Variants in C1GALT1 observed in about 807,000 individuals in gnomAD.
C1GALT1 encodes the protein glycoprotein-N-acetylgalactosamine 3-beta-galactosyltransferase 1.
In C1GALT1, 11 loss-of-function variants were observed where a neutral mutation model predicts 31.0. The observed-to-expected ratio is 0.36, with a 90% CI of 0.22 to 0.59. C1GALT1 has a LOEUF of 0.59. C1GALT1 is among the 20% of genes least tolerant of loss of function. The probability of loss-of-function intolerance (pLI) is 0.79; values close to 1 mark genes in which losing one functional copy is unlikely to be tolerated. For synonymous variants in C1GALT1, 175 were observed against 143.6 expected, an observed-to-expected ratio of 1.22 and a Z score of -1.56; for missense variants, 424 against 425.2, an observed-to-expected ratio of 1.00 and a Z score of 0.03.
chr7:7,198,581 G>T (rs111597021), intron 1 of C1GALT1, among the ~76,000 whole-genome samples: 2 of 152,202 alleles, frequency 1.3e-5, no homozygotes, highest in African/African-American at 4.8e-5. Flanking sequence ...CTCTTTTTCT[G>T]TTGATTGGGA....
In C1GALT1 at chr7:7,241,170, T is replaced by C. The variant is rs183175730; in HGVS notation, c.888+2248T>C. Among the ~76,000 whole-genome samples, 36 of 152,180 alleles carry C rather than the reference T, an allele frequency of 2.4e-4. No individual in the cohort carries two copies. The East Asian group carries it at 6.7e-3, about 29-fold the overall frequency. ...AGAAATGGTCAAATATGATCTACTTTATTCAGTTTTATTTACATTATTCTA... is the reference window on the plus strand; with the variant it reads ...AGAAATGGTCAAATATGATCTACTTCATTCAGTTTTATTTACATTATTCTA... On this transcript the variant is annotated intron_variant, in intron 3 of 3. Coordinates refer to ENST00000436587, the MANE Select transcript of C1GALT1 (RefSeq NM_020156.5).
intron 1 of C1GALT1, among the ~76,000 whole-genome samples, chr7:7,198,837 A>T (rs903578980): frequency 6.6e-6 from 1 of 152,178 alleles, no homozygotes; most frequent in Admixed American, 6.5e-5. Flanking sequence ...TGTTTATAGT[A>T]TTCTCTGATG....
intron 1 of C1GALT1, among the ~76,000 whole-genome samples, chr7:7,207,344 T>TTGC (rs1469849885): frequency 9.7e-5 from 6 of 61,952 alleles, no homozygotes; most frequent in African/African-American, 4.8e-4. Flanking sequence ...GCTTTTTTTT[T>TTGC]TTTTTTTTTT....
rs140654863 is a variant in C1GALT1, at chr7:7,208,985, C to G, written c.-17-25318C>G. Among the ~76,000 whole-genome samples, 4 of 152,296 alleles carry G rather than the reference C, an allele frequency of 2.6e-5. No homozygotes were observed. The East Asian group carries it at 7.7e-4, about 29-fold the overall frequency. Reference sequence around the variant, plus strand: ...TAATAGTTGTATGAGATAGATTCTACCAGCGTAAGTGTTCTCTGGGTATAC... The same window carrying G: ...TAATAGTTGTATGAGATAGATTCTAGCAGCGTAAGTGTTCTCTGGGTATAC... On this transcript the variant is annotated intron_variant, in intron 1 of 3. Transcript: ENST00000436587.
chr7:7,158,539 GT>G (rs1301309077), intron 2 of C1GALT1, among the ~76,000 whole-genome samples: 2 of 150,460 alleles, frequency 1.3e-5, no homozygotes, highest in Admixed American at 6.6e-5. Flanking sequence ...CACTTAGTAT[GT>G]TTTTTCATTA....
chr7:7,191,576 A>G (rs1226861874), intron 1 of C1GALT1, among the ~76,000 whole-genome samples: 3 of 152,104 alleles, frequency 2.0e-5, no homozygotes, highest in Non-Finnish European at 4.4e-5. Flanking sequence ...AGCAGAAATA[A>G]CATTTTACTT....
intron 1 of C1GALT1, among the ~76,000 whole-genome samples, chr7:7,214,245 G>GA (rs531845741): frequency 1.3e-5 from 2 of 152,082 alleles, no homozygotes; most frequent in African/African-American, 2.4e-5. Context: ...ATTTCATGAG[G>GA]AAAAAAAGGT....
intron 1 of C1GALT1, among the ~76,000 whole-genome samples, chr7:7,221,868 A>G (rs945776406): frequency 6.6e-6 from 1 of 152,154 alleles, no homozygotes; most frequent in African/African-American, 2.4e-5. Context: ...TGTTTTGCCA[A>G]TGTACATGCC....
chr7:7,206,268 C>G (rs1294555239), intron 1 of C1GALT1, among the ~76,000 whole-genome samples: 1 of 151,614 alleles, frequency 6.6e-6, no homozygotes, highest in African/African-American at 2.4e-5. Context: ...TTTATAATTG[C>G]CTATGTATTT....
At chr7:7,201,743 T>A (rs1336425365) in intron 1 of C1GALT1, among the ~76,000 whole-genome samples, 1 of 152,216 alleles carries the variant, frequency 6.6e-6, no homozygotes, top group Non-Finnish European at 1.5e-5. Context: ...CCCCAGGCTA[T>A]ATGCCCTCCC....
rs183513214 is a variant in C1GALT1, at chr7:7,232,328, G to A, written c.-17-1975G>A. The stretch of plus-strand genomic sequence containing the variant: ...GTTTTGTTTTTATTATTGTAGTGGT[G>A]ATTGTTGGTTTGTACTTTTGCTTTC... On this transcript the variant is annotated intron_variant, in intron 1 of 3. Transcript: ENST00000436587. 1.2e-4 allele frequency among the ~76,000 whole-genome samples: 19 copies of A among 152,298 alleles called. 1 individual carries two copies. In the East Asian group the frequency reaches 3.7e-3, roughly 29 times the overall value.
rs562458131 is a variant in C1GALT1, at chr7:7,167,210, A to G, written c.-18+9784A>G. On this transcript the variant is annotated intron_variant, in intron 2 of 3. Transcript: ENST00000429911. ...TCAGATCCCTACTGGCTAAACAGCA[A>G]TGAAATTGCTTATGCAGTGTACAGA... Among the ~76,000 whole-genome samples, 6 of 152,310 alleles carry G rather than the reference A, an allele frequency of 3.9e-5. No individual in the cohort carries two copies. The South Asian group carries it at 8.3e-4, about 21-fold the overall frequency.
intron 2 of C1GALT1, among the ~76,000 whole-genome samples, chr7:7,163,253 A>G (rs544632369): frequency 6.6e-6 from 1 of 152,308 alleles, no homozygotes; most frequent in Non-Finnish European, 1.5e-5. Context: ...TTTTAGGTCT[A>G]ACGTTTAAGT....
intron 1 of C1GALT1, among the ~76,000 whole-genome samples, chr7:7,222,910 G>GTTTGTTT (rs35730541): frequency 6.0e-5 from 9 of 150,756 alleles, no homozygotes; most frequent in African/African-American, 2.2e-4. Flanking sequence ...GTTTTTTTTT[G>GTTTGTTT]GTTTTATGCT....
At chr7:7,185,686 T>C (rs1367244156) in intron 1 of C1GALT1, among the ~76,000 whole-genome samples, 1 of 152,208 alleles carries the variant, frequency 6.6e-6, no homozygotes, top group Non-Finnish European at 1.5e-5. Context: ...TGGATTAAGA[T>C]CCACCCTAAT....
rs556168283 is a variant in C1GALT1 at position 7,223,285 on chromosome 7, A to G, written c.-17-11018A>G. Among the ~76,000 whole-genome samples, 4 of 152,244 alleles carry G rather than the reference A, an allele frequency of 2.6e-5. 1 individual carries two copies. Among genetic ancestry groups the G allele is most frequent in the Admixed American group, 6.5e-5 (1 of 15,294 alleles). On this transcript the variant is annotated intron_variant, in intron 1 of 3. Transcript: ENST00000436587. ...GCAATTCTCCTGCTTCAACCTCCCC[A>G]GTAGCTGGGATCACAGGCACCTGCC...
intron 1 of C1GALT1, among the ~76,000 whole-genome samples, chr7:7,192,160 A>C (rs11770362): frequency 6.6e-6 from 1 of 151,346 alleles, no homozygotes; most frequent in East Asian, 1.9e-4. Context: ...TTTTATTTCA[A>C]TAGGCTTTTG....
At chr7:7,176,181 T>C (rs909387339) in intron 2 of C1GALT1, among the ~76,000 whole-genome samples, 1 of 152,036 alleles carries the variant, frequency 6.6e-6, no homozygotes, top group African/African-American at 2.4e-5. Context: ...TGGGAATTTG[T>C]GGAAAAAGGT....
chr7:7,213,452 A>T (rs778079006), intron 1 of C1GALT1, among the ~76,000 whole-genome samples: 41 of 152,208 alleles, frequency 2.7e-4, no homozygotes, highest in Non-Finnish European at 4.1e-4. Flanking sequence ...TAATTTAAAG[A>T]AGATTGGACA....
Sources: gnomAD v4.1 joint callset for allele counts (sites outside exome capture counted in the v4.1 genomes callset) on GRCh38, gnomAD v4.1.1 for gene constraint, MANE v1.5 for transcripts, NCBI Gene and HGNC (gene_info 2026-07-23, HGNC 2026-07-21) for gene names.